Variants in ALS2 observed in about 807,000 individuals in gnomAD.
ALS2 encodes alsin.
A neutral mutation model predicts 203.4 loss-of-function variants in ALS2; 117 were observed. The observed-to-expected ratio is 0.58, with a 90% CI of 0.50 to 0.67. The LOEUF (loss-of-function observed/expected upper bound fraction) is 0.67, where lower values mean the gene tolerates loss of function less well. ALS2 is among the 30% of genes least tolerant of loss of function. ALS2 has a pLI of 0.00. For synonymous variants in ALS2, 718 were observed against 725.9 expected (o/e 0.99, Z 0.17); for missense variants, 1,715 against 1,989.4 (o/e 0.86, Z 2.62).
At chr2:201,711,255 G>A (rs754006005) in intron 25 of ALS2, 147 bp from the exon 26 acceptor site, 18 of 626,962 alleles carry the variant, frequency 2.9e-5, no homozygotes, top group Non-Finnish European at 4.6e-5. Flanking sequence ...AAATCATCAC[G>A]ATCCTGCTAT....
intron 1 of ALS2, among the ~76,000 whole-genome samples, chr2:201,779,238 A>C (rs1694791797): frequency 6.6e-6 from 1 of 152,224 alleles, no homozygotes; most frequent in African/African-American, 2.4e-5. Flanking sequence ...AATGGCCTGC[A>C]TAATGCCACT....
chr2:201,713,282 C>A (rs1216929766), intron 25 of ALS2, among the ~76,000 whole-genome samples: 1 of 151,502 alleles, frequency 6.6e-6, no homozygotes, highest in Non-Finnish European at 1.5e-5. Context: ...GATTCAGGCC[C>A]GGGCTAATTT....
At chr2:201,706,535 T>TTATATATATATATATATATATATATATA (rs34345642) in intron 29 of ALS2, among the ~76,000 whole-genome samples, 6 of 143,852 alleles carry the variant, frequency 4.2e-5, no homozygotes, top group African/African-American at 1.5e-4. Context: ...AGCTCACACT[T>TTATATATATATATATATATATATATATA]TATATATATA....
chr2:201,712,293 C>G (rs1303622347), intron 25 of ALS2, among the ~76,000 whole-genome samples: 2 of 152,056 alleles, frequency 1.3e-5, no homozygotes, highest in East Asian at 3.9e-4. Flanking sequence ...TATCTTTCAA[C>G]CTCTGGAATT....
At chr2:201,734,428 T>C (rs2349732) in intron 12 of ALS2, among the ~76,000 whole-genome samples, 27,540 of 150,032 alleles carry the variant, frequency 0.18, 2,795 homozygotes, top group East Asian at 0.38. Flanking sequence ...TGAGCCGTGG[T>C]TGTGCCACTG....
At chr2:201,740,345 A>G (rs1692192620) in intron 11 of ALS2, among the ~76,000 whole-genome samples, 1 of 152,180 alleles carries the variant, frequency 6.6e-6, no homozygotes. Context: ...AGATTCATAC[A>G]TAAACCCAAA....
rs767230558 is a variant in ALS2 at position 201,704,225 on chromosome 2, CAG to C, written c.4839-9_4839-8del. The stretch of plus-strand genomic sequence containing the variant: ...AGAGCCTAAATTCCTAATCCTGCCC[CAG>C]AGAGAAAAAGATGCTGAGTTATTTT... On this transcript the variant is annotated splice_region_variant and splice_polypyrimidine_tract_variant and intron_variant, in intron 32 of 33. Coordinates refer to ENST00000264276, the MANE Select transcript of ALS2 (RefSeq NM_020919.4). The C allele has an allele frequency of 2.5e-6, 4 of 1,611,552 alleles. No homozygotes were observed. The highest frequency in any genetic ancestry group is 2.5e-6 in the Non-Finnish European group (3 of 1,177,860).
At chr2:201,711,533 G>T (rs1287215412) in intron 25 of ALS2, among the ~76,000 whole-genome samples, 5 of 151,398 alleles carry the variant, frequency 3.3e-5, no homozygotes, top group African/African-American at 1.2e-4. Context: ...AGAGGGAAGG[G>T]AGTTAAGGAA....
intron 10 of ALS2, 150 bp from the exon 11 acceptor site, chr2:201,742,004 C>A: frequency 1.4e-6 from 1 of 722,282 alleles, no homozygotes; most frequent in Non-Finnish European, 2.4e-6. Context: ...AGTATTAAAG[C>A]AACCTCAAAG....
chr2:201,757,348 G>A, intron 5 of ALS2, 54 bp downstream of exon 5: 1 of 1,421,294 alleles, frequency 7.0e-7, no homozygotes, highest in Non-Finnish European at 1.0e-6. Flanking sequence ...TGCGATGTCA[G>A]GAGCATCCTG....
At position 201,722,664 on chromosome 2, in the gene ALS2, C is replaced by T. The variant is rs1574696034; in HGVS notation, c.3702+379G>A. On this transcript the variant is annotated intron_variant, in intron 23 of 33. Transcript: ENST00000264276. The stretch of plus-strand genomic sequence containing the variant: ...GCCATAAAAAGGAACAAATACTATA[C>T]ATGCCACAATATGGAAAAAACAAAA... 7 of 194,416 alleles carry T rather than the reference C, an allele frequency of 3.6e-5. No individual in the cohort carries two copies. In the South Asian group the frequency reaches 7.4e-4, roughly 21 times the overall value. 12.0% of individuals were successfully genotyped at this position (194,416 alleles called of 1,614,324 possible).
intron 25 of ALS2, among the ~76,000 whole-genome samples, chr2:201,711,783 T>C (rs1690040944): frequency 6.6e-6 from 1 of 152,228 alleles, no homozygotes; most frequent in Non-Finnish European, 1.5e-5. Flanking sequence ...TTAGAGATTT[T>C]AGATAAACAT....
At position 201,760,989 on chromosome 2, in the gene ALS2, G is replaced by A. The variant is rs976429702; in HGVS notation, c.1005C>T (p.Asn335=). ...MGTTEISSAR[N]IPSYPDTQAV... ...CTTGGGTGTCAGGGTATGATGGTAT[G>A]TTTCTGGCAGAGGAAATTTCAGTTG... Residue 335 remains asparagine, a synonymous_variant, in exon 4 of 34, where the codon AAC becomes AAT. Coordinates refer to ENST00000264276, the MANE Select transcript of ALS2 (RefSeq NM_020919.4). 1 of 1,614,074 alleles carries A rather than the reference G, an allele frequency of 6.2e-7. No individual in the cohort carries two copies. The highest frequency in any genetic ancestry group is 1.3e-5 in the African/African-American group (1 of 74,922).
At position 201,701,241 on chromosome 2, in the gene ALS2, G is replaced by C. The variant is rs1418486049; in HGVS notation, c.*610C>G. On this transcript the variant is annotated 3_prime_UTR_variant, in exon 34 of 34. Coordinates refer to ENST00000264276, the MANE Select transcript of ALS2 (RefSeq NM_020919.4). ...GCATTCCACATTTTGGGGACAGAAT[G>C]TGGTAGTTTTGCACAGAACCTCTCC... The C allele has an allele frequency of 6.5e-6, 1 of 152,760 alleles. No homozygotes were observed. The highest frequency in any genetic ancestry group is 1.5e-5 in the Non-Finnish European group (1 of 68,152). The allele number at this position is 152,760 out of a possible 1,614,324, so 9.5% of individuals were successfully genotyped here.
Position 201,768,853 on chromosome 2 carries a change from GA to G in ALS2, c.20+12del, listed in dbSNP as rs1255978318. On this transcript the variant is annotated intron_variant, in intron 2 of 33. Coordinates refer to ENST00000264276, the MANE Select transcript of ALS2 (RefSeq NM_020919.4). ...TCCTAGGAGGATAAGAGAAAAGGAAGAAATGATTTTACCTTCTCTTCTTTGA... is the reference window on the plus strand; with the variant it reads ...TCCTAGGAGGATAAGAGAAAAGGAAGAATGATTTTACCTTCTCTTCTTTGA... 1 of 1,612,516 alleles carries G rather than the reference GA, an allele frequency of 6.2e-7. No individual in the cohort carries two copies. The highest frequency in any genetic ancestry group is 1.7e-5 in the Admixed American group (1 of 59,984).
chr2:201,701,597 T>C lies in ALS2; in HGVS notation c.*254A>G, dbSNP rs1244026436. ...TTTTTCAAATAGTAGATAAATGGTA[T>C]TTTTGGAACTTATCATAGGCCAAGA... On this transcript the variant is annotated 3_prime_UTR_variant, in exon 34 of 34. Coordinates refer to ENST00000264276, the MANE Select transcript of ALS2 (RefSeq NM_020919.4). 1 of 410,202 alleles carries C rather than the reference T, an allele frequency of 2.4e-6. No individual in the cohort carries two copies. Among genetic ancestry groups the C allele is most frequent in the Non-Finnish European group, 4.4e-6 (1 of 227,852 alleles). 25.4% of individuals were successfully genotyped at this position (410,202 alleles called of 1,614,324 possible).
intron 8 of ALS2, 85 bp from the exon 9 acceptor site, chr2:201,746,833 G>T: frequency 6.7e-7 from 1 of 1,489,308 alleles, no homozygotes; most frequent in Non-Finnish European, 9.3e-7. Context: ...ACGTTAGGTT[G>T]CTTAAATAAG....
rs571468874 is a variant in ALS2, at chr2:201,735,687, T to C, written c.2418-2249A>G. ...GTGCTGTGCAAAAGGCAAGAGGCTT[T>C]CAACTTATGTCATCTCATTTTTCTG... On this transcript the variant is annotated intron_variant, in intron 12 of 33. Transcript: ENST00000264276. 3.3e-5 allele frequency among the ~76,000 whole-genome samples: 5 copies of C among 152,364 alleles called. 1 individual carries two copies. Among genetic ancestry groups the C allele is most frequent in the Admixed American group, 2.0e-4 (3 of 15,304 alleles).
intron 12 of ALS2, among the ~76,000 whole-genome samples, chr2:201,736,633 G>A (rs1375589459): frequency 6.6e-6 from 1 of 151,996 alleles, no homozygotes; most frequent in Non-Finnish European, 1.5e-5. Context: ...AAAAGCGAAA[G>A]AAATGATTCC....
Sources: gnomAD v4.1 joint callset for allele counts (sites outside exome capture counted in the v4.1 genomes callset) on GRCh38, gnomAD v4.1.1 for gene constraint, MANE v1.5 for transcripts, NCBI Gene and HGNC (gene_info 2026-07-23, HGNC 2026-07-21) for gene names.